The following ROCK1 variants were observed in gnomAD, a reference collection of about 807,000 sequenced individuals.
ROCK1 encodes the protein Rho associated coiled-coil containing protein kinase 1, also known as rho-associated protein kinase 1.
In ROCK1, 36 loss-of-function variants were observed where a neutral mutation model predicts 196.8. That is an observed-to-expected ratio of 0.18 (90% CI 0.14 to 0.24). The LOEUF (loss-of-function observed/expected upper bound fraction) is 0.24. Among genes scored for constraint, ROCK1 ranks in the 10% least tolerant of loss-of-function variants. The pLI, the probability that ROCK1 is intolerant of heterozygous loss-of-function variation, is 1.00. For missense variants in ROCK1, 920 were observed against 1,562.0 expected (o/e 0.59, Z 6.93); for synonymous variants, 443 against 515.9 (o/e 0.86, Z 1.91).
chr18:21,073,143 T>C (rs2036401740), intron 1 of ROCK1, among the ~76,000 whole-genome samples: 1 of 137,580 alleles, frequency 7.3e-6, no homozygotes, highest in African/African-American at 2.7e-5. Context: ...CCAATCAATG[T>C]CAAAAAATTA....
At chr18:21,000,951 T>C (rs539763326) in intron 16 of ROCK1, among the ~76,000 whole-genome samples, 1 of 152,272 alleles carries the variant, frequency 6.6e-6, no homozygotes, top group African/African-American at 2.4e-5. Context: ...CAACAAATAC[T>C]TGTACACAAA....
At chr18:21,089,339 C>T (rs1222742583) in intron 1 of ROCK1, among the ~76,000 whole-genome samples, 7 of 152,172 alleles carry the variant, frequency 4.6e-5, no homozygotes, top group Admixed American at 3.3e-4. Context: ...GGATTACAGG[C>T]GTGAGCCACC....
In ROCK1 at chr18:20,987,091, T is replaced by C; in HGVS notation, c.2163A>G (p.Lys721=). Residue 721 remains lysine, a synonymous_variant, in exon 19 of 33, where the codon AAA becomes AAG. Transcript: ENST00000399799. ...VAMCEMEKKL[K]EEREAREKAE... ...CCTTCTCTCGAGCTTCTCTTTCTTCTTTCAGCTTTTTTTCCATCTCTGGGA... is the reference window on the plus strand; with the variant it reads ...CCTTCTCTCGAGCTTCTCTTTCTTCCTTCAGCTTTTTTTCCATCTCTGGGA... The C allele has an allele frequency of 6.2e-7, 1 of 1,611,718 alleles. No individual in the cohort carries two copies. Among genetic ancestry groups the C allele is most frequent in the African/African-American group, 1.3e-5 (1 of 74,894 alleles).
chr18:21,014,063 C>T (rs2035842125), intron 13 of ROCK1, among the ~76,000 whole-genome samples: 2 of 116,996 alleles, frequency 1.7e-5, no homozygotes, highest in South Asian at 5.1e-4. Flanking sequence ...AAGACTCTGT[C>T]TCAAAAAAAA....
Position 21,006,584 on chromosome 18 carries a change from T to C in ROCK1, c.1652A>G (p.Asn551Ser), listed in dbSNP as rs748463799. 8.7e-6 allele frequency: 14 copies of C among 1,613,366 alleles called. No homozygotes were observed. In the South Asian group the frequency reaches 1.1e-4, roughly 13 times the overall value. The change falls in exon 16 of 33, where the codon AAT becomes AGT. Residue 551 changes from asparagine (N) to serine (S), a missense_variant. Transcript: ENST00000399799. The stretch of plus-strand genomic sequence containing the variant: ...GTCCGATTCTGTCCTAAGTAAGTCA[T>C]TGGCTTCTTCTAGCTATTTAAAAAG... ...SQLQKQLEEA[N>S]DLLRTESDTA...
intron 12 of ROCK1, among the ~76,000 whole-genome samples, chr18:21,019,849 C>T (rs1363601817): frequency 7.1e-6 from 1 of 140,422 alleles, no homozygotes; most frequent in Non-Finnish European, 1.6e-5. Context: ...GTAATGAAAA[C>T]ACAGTTGGAA....
At chr18:20,982,411 T>C (rs956892457) in intron 21 of ROCK1, among the ~76,000 whole-genome samples, 3 of 152,092 alleles carry the variant, frequency 2.0e-5, no homozygotes, top group Non-Finnish European at 4.4e-5. Context: ...GCCACCACAA[T>C]CGGCTAATTT....
chr18:20,961,886 G>A (rs1346611308), intron 27 of ROCK1, among the ~76,000 whole-genome samples: 1 of 142,506 alleles, frequency 7.0e-6, no homozygotes, highest in South Asian at 2.2e-4. Flanking sequence ...AAACTCCTGA[G>A]CCTCAGCTTC....
chr18:20,954,904 G>A lies in ROCK1; in HGVS notation c.3732C>T (p.Ala1244=), dbSNP rs545324702. ...TLYHFPANCD[A]CAKPLWHVFK... ...AAACATGCCAGAGAGGTTTGGCACA[G>A]GCATCACAATTGGCAGGAAAGTGGT... The change falls in exon 31 of 33, where the codon GCC becomes GCT. Residue 1244 remains alanine, a synonymous_variant. Coordinates refer to ENST00000399799, the MANE Select transcript of ROCK1 (RefSeq NM_005406.3). The A allele has an allele frequency of 3.1e-6, 5 of 1,613,894 alleles. No individual in the cohort carries two copies. The highest frequency in any genetic ancestry group is 1.1e-5 in the South Asian group (1 of 91,074).
In ROCK1 at chr18:20,967,922, C is replaced by T; in HGVS notation, c.3022G>A (p.Glu1008Lys). ...TTAAAATCTTTTCGATTCATTATTTCTGCCAATTTGTTAACAGCCTATTAA... is the reference window on the plus strand; with the variant it reads ...TTAAAATCTTTTCGATTCATTATTTTTGCCAATTTGTTAACAGCCTATTAA... ...LKTQAVNKLA[E>K]IMNRKDFKID... The change falls in exon 26 of 33, where the codon GAA (glutamate) becomes AAA (lysine). Residue 1008 changes from glutamate (E) to lysine (K), a missense_variant. Physicochemically the swap from Glu to Lys is moderately conservative, Grantham distance 56. Around this residue, in one of 6 missense-constraint regions of ROCK1, gnomAD observed 116 missense variants for 204.2 expected, o/e 0.57. Coordinates refer to ENST00000399799, the MANE Select transcript of ROCK1 (RefSeq NM_005406.3). 1 of 1,554,818 alleles carries T rather than the reference C, an allele frequency of 6.4e-7. No homozygotes were observed. Among genetic ancestry groups the T allele is most frequent in the Non-Finnish European group, 8.7e-7 (1 of 1,143,994 alleles).
intron 9 of ROCK1, among the ~76,000 whole-genome samples, chr18:21,039,158 T>C (rs1392994994): frequency 6.6e-6 from 1 of 152,210 alleles, no homozygotes; most frequent in Non-Finnish European, 1.5e-5. Flanking sequence ...TTACTACTTA[T>C]TGACCACCTC....
intron 9 of ROCK1, among the ~76,000 whole-genome samples, chr18:21,030,891 A>T (rs2036000264): frequency 6.6e-6 from 1 of 152,216 alleles, no homozygotes; most frequent in African/African-American, 2.4e-5. Flanking sequence ...TTGAGTTGGC[A>T]AAAACGACCA....
chr18:21,008,211 A>G lies in ROCK1; in HGVS notation c.1411-17T>C. The G allele has an allele frequency of 1.9e-6, 3 of 1,552,638 alleles. No individual in the cohort carries two copies. The highest frequency in any genetic ancestry group is 2.6e-6 in the Non-Finnish European group (3 of 1,144,808). ...TTGATTTCCCTGGAATTATAATGATAAAAGTTACCACTGTGATTAATACTC... is the reference window on the plus strand; with the variant it reads ...TTGATTTCCCTGGAATTATAATGATGAAAGTTACCACTGTGATTAATACTC... On this transcript the variant is annotated splice_polypyrimidine_tract_variant and intron_variant, in intron 13 of 32. Transcript: ENST00000399799.
intron 1 of ROCK1, among the ~76,000 whole-genome samples, chr18:21,087,772 A>G (rs2143579641): frequency 6.6e-6 from 1 of 152,344 alleles, no homozygotes; most frequent in South Asian, 2.1e-4. Context: ...AGAACTGGGC[A>G]CAAAATCATC....
At chr18:20,967,242 T>A (rs2035382742) in intron 26 of ROCK1, among the ~76,000 whole-genome samples, 166 bp from the exon 27 acceptor site, 1 of 152,262 alleles carries the variant, frequency 6.6e-6, no homozygotes, top group African/African-American at 2.4e-5. Flanking sequence ...AAGTTCTTTC[T>A]CAGTAATACA....
chr18:21,102,948 C>G (rs183160468), intron 1 of ROCK1, among the ~76,000 whole-genome samples: 1 of 151,904 alleles, frequency 6.6e-6, no homozygotes, highest in Non-Finnish European at 1.5e-5. Context: ...AAGTATGGAT[C>G]AATTAAGAGG....
intron 22 of ROCK1, among the ~76,000 whole-genome samples, chr18:20,976,570 T>C (rs918892583): frequency 1.8e-4 from 28 of 152,196 alleles, no homozygotes; most frequent in African/African-American, 2.9e-4. Flanking sequence ...CATTAACGAA[T>C]ATATCTGCAC....
At chr18:21,101,871 T>TC (rs2036661920) in intron 1 of ROCK1, among the ~76,000 whole-genome samples, 1 of 147,398 alleles carries the variant, frequency 6.8e-6, no homozygotes, top group Admixed American at 6.6e-5. Flanking sequence ...TAAGAAAATG[T>TC]CCTTTTTTTT....
chr18:21,039,369 A>G lies in ROCK1; in HGVS notation c.1051+103T>C. Reference sequence around the variant, plus strand: ...TCCCATATAGTATTTGTGGCTTCTGATTTTCATCAGATACACACAAATATT... The same window carrying G: ...TCCCATATAGTATTTGTGGCTTCTGGTTTTCATCAGATACACACAAATATT... On this transcript the variant is annotated intron_variant, in intron 9 of 32. Coordinates refer to ENST00000399799, the MANE Select transcript of ROCK1 (RefSeq NM_005406.3). 6.4e-6 allele frequency: 5 copies of G among 785,410 alleles called. No individual in the cohort carries two copies. The East Asian group carries it at 1.3e-4, about 21-fold the overall frequency. 48.7% of individuals were successfully genotyped at this position (785,410 alleles called of 1,614,324 possible). A position where few individuals can be genotyped will look rare whatever the true frequency, so the allele number is the denominator to read the frequency against.
Sources: gnomAD v4.1 joint callset for allele counts (sites outside exome capture counted in the v4.1 genomes callset) on GRCh38, gnomAD v4.1.1 for gene constraint, gnomAD v4.1.1 regional missense constraint, MANE v1.5 for transcripts, NCBI Gene and HGNC (gene_info 2026-07-23, HGNC 2026-07-21) for gene names.